The following MAST4 variants were observed in gnomAD, a reference collection of about 807,000 sequenced individuals.
The protein encoded by MAST4 is microtubule-associated serine/threonine-protein kinase 4.
MAST4 carries 89 observed loss-of-function variants against 162.7 expected under a neutral mutation model. The ratio of observed to expected loss-of-function variants is 0.55; its 90% CI spans 0.46 to 0.65. The LOEUF is 0.65. Among genes scored for constraint, MAST4 ranks in the 30% least tolerant of loss-of-function variants. MAST4 has a pLI of 0.00. For synonymous variants in MAST4, 1,479 were observed against 1,361.1 expected (o/e 1.09, Z -1.91); for missense variants, 3,153 against 3,374.0 (o/e 0.93, Z 1.62).
Position 66,596,777 on chromosome 5 carries a change from C to T in MAST4, c.122C>T (p.Ser41Phe). ...TCTCCGGGTGCTTCCTCGGCCGAGT[C>T]CTCCTCGGGCTCAGAAACTCTGTCG... ...ASSPGASSAE[S>F]SSGSETLSEE... Residue 41 changes from serine to phenylalanine, a missense_variant, in exon 1 of 29, where the codon TCC becomes TTC. By Grantham distance (155) the Ser-to-Phe change is radical. Transcript: ENST00000403625. The T allele has an allele frequency of 7.3e-7, 1 of 1,376,412 alleles. No homozygotes were observed. Among genetic ancestry groups the T allele is most frequent in the East Asian group, 2.9e-5 (1 of 34,880 alleles). The allele number at this position is 1,376,412 out of a possible 1,614,324, so 85.3% of individuals were successfully genotyped here.
intron 4 of MAST4, among the ~76,000 whole-genome samples, chr5:66,996,508 T>C (rs1483879574): frequency 6.6e-6 from 1 of 152,150 alleles, no homozygotes; most frequent in African/African-American, 2.4e-5. Flanking sequence ...TAGCTTATAT[T>C]TATTTATTCT....
At chr5:66,658,407 T>C (rs1418096365) in intron 1 of MAST4, among the ~76,000 whole-genome samples, 1 of 152,220 alleles carries the variant, frequency 6.6e-6, no homozygotes, top group East Asian at 1.9e-4. Context: ...GTGTTAATTG[T>C]AGAACTGTTA....
At chr5:66,722,450 T>C (rs1751271503) in intron 1 of MAST4, among the ~76,000 whole-genome samples, 1 of 129,606 alleles carries the variant, frequency 7.7e-6, no homozygotes, top group Admixed American at 7.8e-5. Context: ...TACCTGGTTC[T>C]GGGTTTTTTT....
At position 67,145,300 on chromosome 5, in the gene MAST4, C is replaced by A. The variant is rs747167328; in HGVS notation, c.3015C>A (p.Ala1005=). Residue 1005 remains alanine (A), a synonymous_variant, in exon 23 of 29, where the codon GCC becomes GCA. Transcript: ENST00000403625. ...GDPHEEPGKP[A]LPPEECAQEE... is the part of the protein sequence containing the mutation. ...CCCATGAGGAGCCAGGAAAGCCAGC[C>A]CTTCCTCCTGAAGAGTGTGCCCAGG... 6.2e-7 allele frequency: 1 copy of A among 1,613,836 alleles called. No individual in the cohort carries two copies. The highest frequency in any genetic ancestry group is 8.5e-7 in the Non-Finnish European group (1 of 1,179,870).
chr5:66,703,015 A>G (rs1749879537), intron 1 of MAST4, among the ~76,000 whole-genome samples: 1 of 152,096 alleles, frequency 6.6e-6, no homozygotes, highest in Non-Finnish European at 1.5e-5. Flanking sequence ...ACCTGGACCT[A>G]TTTGAAGGGT....
chr5:67,063,157 T>C (rs1759830563), intron 5 of MAST4, among the ~76,000 whole-genome samples: 1 of 151,504 alleles, frequency 6.6e-6, no homozygotes, highest in Non-Finnish European at 1.5e-5. Context: ...CATGCTGTAC[T>C]CACTTTTTTT....
intron 4 of MAST4, among the ~76,000 whole-genome samples, chr5:66,907,467 C>G (rs1012841548): frequency 5.5e-4 from 84 of 152,184 alleles, no homozygotes; most frequent in Non-Finnish European, 3.2e-4. Flanking sequence ...TTGGCTGTCT[C>G]CTGTCTCAAT....
chr5:66,796,017 G>A (rs1405654415), intron 3 of MAST4, among the ~76,000 whole-genome samples: 1 of 152,286 alleles, frequency 6.6e-6, no homozygotes, highest in Non-Finnish European at 1.5e-5. Flanking sequence ...ACTCAGTGCT[G>A]AAATAGCAGT....
At chr5:66,951,340 C>G (rs933048041) in intron 4 of MAST4, among the ~76,000 whole-genome samples, 2 of 152,156 alleles carry the variant, frequency 1.3e-5, no homozygotes, top group Non-Finnish European at 2.9e-5. Context: ...GCAACACTGA[C>G]CTTATTCCTT....
At chr5:67,057,407 C>T (rs1247741658) in intron 5 of MAST4, among the ~76,000 whole-genome samples, 1 of 151,980 alleles carries the variant, frequency 6.6e-6, no homozygotes, top group African/African-American at 2.4e-5. Context: ...TCATCACGGA[C>T]ACATCGTTTG....
intron 4 of MAST4, among the ~76,000 whole-genome samples, chr5:67,051,886 T>C (rs759413458): frequency 6.6e-6 from 1 of 152,132 alleles, no homozygotes; most frequent in African/African-American, 2.4e-5. Context: ...TTTGGGATCA[T>C]TTGATGTTTA....
chr5:66,887,493 T>G (rs1246755771), intron 3 of MAST4, among the ~76,000 whole-genome samples: 3 of 152,224 alleles, frequency 2.0e-5, no homozygotes, highest in Non-Finnish European at 4.4e-5. Context: ...GATTTATCTT[T>G]CTCATATAAA....
intron 4 of MAST4, among the ~76,000 whole-genome samples, chr5:66,977,586 G>GTGTT (rs1748309167): frequency 6.6e-6 from 1 of 152,128 alleles, no homozygotes; most frequent in Non-Finnish European, 1.5e-5. Context: ...TTTATTGTCA[G>GTGTT]TGTTTAGACC....
chr5:66,908,760 A>C (rs1173127078), intron 4 of MAST4, among the ~76,000 whole-genome samples: 3 of 152,180 alleles, frequency 2.0e-5, no homozygotes, highest in Non-Finnish European at 4.4e-5. Flanking sequence ...TCTGTTAATC[A>C]ATAGGCAATC....
At chr5:66,740,822 T>C (rs1752442084) in intron 1 of MAST4, among the ~76,000 whole-genome samples, 1 of 152,162 alleles carries the variant, frequency 6.6e-6, no homozygotes, top group Non-Finnish European at 1.5e-5. Flanking sequence ...GGAAAACAGT[T>C]CCGGAATGGC....
chr5:66,997,117 T>A (rs1010362858), intron 4 of MAST4, among the ~76,000 whole-genome samples: 1 of 152,178 alleles, frequency 6.6e-6, no homozygotes, highest in Non-Finnish European at 1.5e-5. Flanking sequence ...GTATCTTTTG[T>A]ATAAATATTG....
At chr5:66,606,865 T>G (rs1742921154) in intron 1 of MAST4, among the ~76,000 whole-genome samples, 2 of 149,938 alleles carry the variant, frequency 1.3e-5, no homozygotes, top group African/African-American at 5.0e-5. Context: ...TTAAATTAAA[T>G]ATTAAATGAG....
intron 4 of MAST4, among the ~76,000 whole-genome samples, chr5:66,952,902 G>T (rs978130174): frequency 3.3e-5 from 5 of 152,136 alleles, no homozygotes; most frequent in Non-Finnish European, 7.3e-5. Context: ...GGGAGTACCT[G>T]TCATTATCAG....
chr5:66,859,593 A>G (rs1233536341), intron 3 of MAST4, among the ~76,000 whole-genome samples: 4 of 152,118 alleles, frequency 2.6e-5, no homozygotes, highest in Non-Finnish European at 4.4e-5. Flanking sequence ...TTTACCACCT[A>G]TTTTTTATCA....
Sources: gnomAD v4.1 joint callset for allele counts (sites outside exome capture counted in the v4.1 genomes callset) on GRCh38, gnomAD v4.1.1 for gene constraint, MANE v1.5 for transcripts, NCBI Gene and HGNC (gene_info 2026-07-23, HGNC 2026-07-21) for gene names.